Variants in XYLT1 observed in about 807,000 individuals in gnomAD.
XYLT1 encodes xylosyltransferase 1.
A neutral mutation model predicts 91.3 loss-of-function variants in XYLT1; 36 were observed. The ratio of observed to expected loss-of-function variants is 0.39; its 90% CI spans 0.30 to 0.52. The LOEUF is 0.52. XYLT1 is among the 20% of genes least tolerant of loss of function. The probability of loss-of-function intolerance (pLI) is 0.68; values close to 1 mark genes in which losing one functional copy is unlikely to be tolerated. For missense variants in XYLT1, 1,242 were observed against 1,284.5 expected (o/e 0.97, Z 0.51); for synonymous variants, 588 against 532.0 (o/e 1.11, Z -1.45).
chr16:17,410,061 T>A (rs559623491), intron 1 of XYLT1, among the ~76,000 whole-genome samples: 6 of 152,288 alleles, frequency 3.9e-5, no homozygotes, highest in South Asian at 2.1e-4. Flanking sequence ...CTGTCCCTGC[T>A]GCTAATGAGT....
chr16:17,461,672 G>A (rs60759539), intron 1 of XYLT1, among the ~76,000 whole-genome samples: 4,793 of 152,112 alleles, frequency 0.032, 210 homozygotes, highest in South Asian at 0.092. Flanking sequence ...GGATGGATGG[G>A]TGGACAAATG....
chr16:17,422,172 C>T (rs769481122), intron 1 of XYLT1, among the ~76,000 whole-genome samples: 3 of 151,770 alleles, frequency 2.0e-5, no homozygotes, highest in Non-Finnish European at 4.4e-5. Context: ...TTAGTAGAGA[C>T]GGGGTTTCAC....
intron 5 of XYLT1, among the ~76,000 whole-genome samples, chr16:17,186,943 G>A (rs967417773): frequency 2.0e-5 from 3 of 152,118 alleles, no homozygotes; most frequent in Admixed American, 2.0e-4. Context: ...GGGTTAGAAC[G>A]AGAATACGCA....
chr16:17,164,296 T>A (rs879822615), intron 5 of XYLT1, among the ~76,000 whole-genome samples: 112 of 150,552 alleles, frequency 7.4e-4, no homozygotes, highest in Admixed American at 7.3e-4. Flanking sequence ...GTCACAAATT[T>A]TTTTTTTTTT....
At chr16:17,396,302 G>A (rs1397879186) in intron 1 of XYLT1, among the ~76,000 whole-genome samples, 1 of 152,190 alleles carries the variant, frequency 6.6e-6, no homozygotes, top group African/African-American at 2.4e-5. Context: ...GTGAGCCATA[G>A]AAGCAAAGCG....
At chr16:17,255,519 C>T (rs2033617529) in intron 3 of XYLT1, among the ~76,000 whole-genome samples, 2 of 152,144 alleles carry the variant, frequency 1.3e-5, no homozygotes, top group African/African-American at 4.8e-5. Context: ...TGGCATTCAA[C>T]TCAGGCCTCC....
chr16:17,387,635 AG>A (rs1489529238), intron 1 of XYLT1, among the ~76,000 whole-genome samples: 1 of 152,150 alleles, frequency 6.6e-6, no homozygotes. Context: ...CTGGCAGGCA[AG>A]GGAACCGCTG....
intron 2 of XYLT1, among the ~76,000 whole-genome samples, chr16:17,351,172 A>G (rs2035215302): frequency 6.6e-6 from 1 of 152,176 alleles, no homozygotes; most frequent in Non-Finnish European, 1.5e-5. Flanking sequence ...ATCATGGGTC[A>G]TTGTGTACCC....
chr16:17,260,811 C>A (rs2033711178), intron 2 of XYLT1, among the ~76,000 whole-genome samples: 1 of 152,190 alleles, frequency 6.6e-6, no homozygotes, highest in African/African-American at 2.4e-5. Context: ...TTCTATCCAG[C>A]CCTTTAAGAA....
intron 2 of XYLT1, among the ~76,000 whole-genome samples, chr16:17,293,476 A>C (rs1306963333): frequency 6.7e-6 from 1 of 150,284 alleles, no homozygotes; most frequent in African/African-American, 2.5e-5. Flanking sequence ...TTTTAACATA[A>C]AGATTTTCTC....
intron 2 of XYLT1, among the ~76,000 whole-genome samples, chr16:17,264,789 C>G (rs151156055): frequency 1.3e-5 from 2 of 151,908 alleles, no homozygotes; most frequent in East Asian, 3.9e-4. Context: ...ATAACTTGAC[C>G]GAGGCTACAC....
intron 2 of XYLT1, among the ~76,000 whole-genome samples, chr16:17,351,692 C>T (rs1001150060): frequency 6.0e-5 from 9 of 148,986 alleles, no homozygotes; most frequent in East Asian, 1.9e-4. Context: ...TCAGAACAAA[C>T]GAAGTTACTC....
intron 2 of XYLT1, among the ~76,000 whole-genome samples, chr16:17,320,420 C>G (rs1370239488): frequency 6.6e-6 from 1 of 152,082 alleles, no homozygotes; most frequent in East Asian, 1.9e-4. Context: ...TTCTGCCCCA[C>G]CTCCTGAGGA....
At chr16:17,217,791 A>T in intron 3 of XYLT1, among the ~76,000 whole-genome samples, 1 of 152,092 alleles carries the variant, frequency 6.6e-6, no homozygotes, top group Non-Finnish European at 1.5e-5. Flanking sequence ...GGGCCAGGTG[A>T]TCTGATGCAA....
chr16:17,203,261 CT>C (rs1248492429), intron 3 of XYLT1, among the ~76,000 whole-genome samples: 9 of 152,184 alleles, frequency 5.9e-5, no homozygotes, highest in Admixed American at 5.9e-4. Flanking sequence ...CATTTAAGGA[CT>C]AACATAGGTA....
At chr16:17,140,150 G>A (rs1310726162) in intron 7 of XYLT1, among the ~76,000 whole-genome samples, 1 of 152,182 alleles carries the variant, frequency 6.6e-6, no homozygotes, top group Non-Finnish European at 1.5e-5. Context: ...AGGCAGCTAA[G>A]GGAATGTCAG....
intron 1 of XYLT1, chr16:17,446,060 G>A (rs187942670): frequency 5.3e-5 from 8 of 152,244 alleles, no homozygotes; most frequent in Admixed American, 4.6e-4. Context: ...AGATATGAGA[G>A]ATCTAGAAAA....
intron 3 of XYLT1, among the ~76,000 whole-genome samples, chr16:17,246,761 A>C (rs180913899): frequency 1.9e-3 from 288 of 152,264 alleles, no homozygotes; most frequent in African/African-American, 6.6e-3. Flanking sequence ...CAGGGGCTGG[A>C]GATCCAGTGG....
At chr16:17,451,792 T>C (rs780229317) in intron 1 of XYLT1, among the ~76,000 whole-genome samples, 1 of 152,098 alleles carries the variant, frequency 6.6e-6, no homozygotes, top group Non-Finnish European at 1.5e-5. Flanking sequence ...CTCAAGGCAC[T>C]CAGTAATGAG....
Sources: allele counts gnomAD v4.1 joint callset (sites outside exome capture counted in the v4.1 genomes callset), GRCh38; gene constraint gnomAD v4.1.1; transcripts MANE v1.5; gene names NCBI Gene and HGNC (gene_info 2026-07-23, HGNC 2026-07-21).